Variants in DTNA observed in about 807,000 individuals in gnomAD.
The protein encoded by DTNA is dystrobrevin alpha, also known as dystrophin-related protein 3.
In DTNA, 43 loss-of-function variants were observed where a neutral mutation model predicts 100.7. The observed-to-expected ratio is 0.43, with a 90% CI of 0.33 to 0.55. The LOEUF (loss-of-function observed/expected upper bound fraction) is 0.55, where lower values mean the gene tolerates loss of function less well. Ranked by LOEUF, DTNA falls within the 20% of genes least tolerant of loss-of-function variation. The pLI, the probability that DTNA is intolerant of heterozygous loss-of-function variation, is 0.04. For missense variants in DTNA, 798 were observed against 953.9 expected (o/e 0.84, Z 2.15); for synonymous variants, 349 against 347.9 (o/e 1.00, Z -0.04).
chr18:34,536,760 TTAAA>T (rs1317355067), intron 1 of DTNA, among the ~76,000 whole-genome samples: 1 of 151,992 alleles, frequency 6.6e-6, no homozygotes, highest in African/African-American at 2.4e-5. Context: ...ATGTGTTAAA[TTAAA>T]TAAATAAAAA....
At chr18:34,828,421 G>C (rs1227760601) in intron 10 of DTNA, among the ~76,000 whole-genome samples, 1 of 152,168 alleles carries the variant, frequency 6.6e-6, no homozygotes, top group Non-Finnish European at 1.5e-5. Context: ...GAAAATTGGA[G>C]TGAGTAATTG....
At chr18:34,845,098 A>G (rs2096352684) in intron 13 of DTNA, among the ~76,000 whole-genome samples, 1 of 152,206 alleles carries the variant, frequency 6.6e-6, no homozygotes, top group South Asian at 2.1e-4. Context: ...ATTTATTTTA[A>G]TGATTTAGGG....
At chr18:34,542,328 G>A (rs1269631703) in intron 1 of DTNA, among the ~76,000 whole-genome samples, 1 of 151,928 alleles carries the variant, frequency 6.6e-6, no homozygotes, top group South Asian at 2.1e-4. Context: ...AATTGCTTCA[G>A]TGATTATATT....
At position 34,827,600 on chromosome 18, in the gene DTNA, A is replaced by G; in HGVS notation, c.1009A>G (p.Arg337Gly). 2 of 1,613,900 alleles carry G rather than the reference A, an allele frequency of 1.2e-6. No homozygotes were observed. Among genetic ancestry groups the G allele is most frequent in the African/African-American group, 1.3e-5 (1 of 75,028 alleles). Residue 337 changes from arginine (R) to glycine (G), a missense_variant, in exon 10 of 23, where the codon AGA becomes GGA. By Grantham distance (125) the Arg-to-Gly change is moderately radical. Around this residue, in one of 6 missense-constraint regions of DTNA, gnomAD observed 93 missense variants for 90.5 expected, o/e 1.03. Coordinates refer to ENST00000444659, the MANE Select transcript of DTNA (RefSeq NM_001386795.1). Reference sequence around the variant, plus strand: ...CCCTGTGTTTTGTTTTAGGCCTCCCAGACCTGTAACCAGCATGAACGACAC... The same window carrying G: ...CCCTGTGTTTTGTTTTAGGCCTCCCGGACCTGTAACCAGCATGAACGACAC... ...PLNLAHIVPP[R>G]PVTSMNDTLF...
chr18:34,776,308 C>T (rs555266319), intron 3 of DTNA, among the ~76,000 whole-genome samples: 5 of 152,278 alleles, frequency 3.3e-5, no homozygotes, highest in South Asian at 2.1e-4. Context: ...CCTCCAAACA[C>T]GGAGAAGCCA....
At chr18:34,507,560 A>C (rs2040612263) in intron 1 of DTNA, among the ~76,000 whole-genome samples, 1 of 152,204 alleles carries the variant, frequency 6.6e-6, no homozygotes. Flanking sequence ...GAGGGATTAC[A>C]GTTGACATGG....
At chr18:34,495,794 T>C (rs1038900200) in intron 1 of DTNA, among the ~76,000 whole-genome samples, 2 of 152,322 alleles carry the variant, frequency 1.3e-5, no homozygotes, top group South Asian at 2.1e-4. Context: ...CTCCACTTGT[T>C]TTAAATGAAC....
intron 1 of DTNA, among the ~76,000 whole-genome samples, chr18:34,579,121 T>C (rs543890634): frequency 2.6e-5 from 4 of 152,270 alleles, no homozygotes; most frequent in Admixed American, 6.5e-5. Flanking sequence ...ATTGTTTACC[T>C]TTAAATAATA....
intron 2 of DTNA, among the ~76,000 whole-genome samples, 154 bp downstream of exon 2, chr18:34,756,197 A>T (rs1347071459): frequency 6.6e-6 from 1 of 152,162 alleles, no homozygotes; most frequent in African/African-American, 2.4e-5. Context: ...TTTACTTCTT[A>T]CTTGGCAAGA....
At chr18:34,863,035 T>C (rs891505642) in intron 16 of DTNA, among the ~76,000 whole-genome samples, 1 of 152,218 alleles carries the variant, frequency 6.6e-6, no homozygotes, top group Non-Finnish European at 1.5e-5. Context: ...AGTTTTAGTA[T>C]GTAAGTATGA....
chr18:34,752,060 C>G (rs1240190173), intron 1 of DTNA, among the ~76,000 whole-genome samples: 1 of 152,098 alleles, frequency 6.6e-6, no homozygotes, highest in Non-Finnish European at 1.5e-5. Context: ...TTCTTTTCAC[C>G]TTTTTGACAT....
intron 1 of DTNA, among the ~76,000 whole-genome samples, chr18:34,597,769 G>A (rs1452912461): frequency 7.9e-5 from 10 of 127,174 alleles, no homozygotes; most frequent in East Asian, 2.3e-4. Context: ...TTTCCCCACC[G>A]CCCCCCGCCC....
At chr18:34,762,828 C>A (rs1324390592) in intron 2 of DTNA, among the ~76,000 whole-genome samples, 1 of 152,200 alleles carries the variant, frequency 6.6e-6, no homozygotes, top group Non-Finnish European at 1.5e-5. Context: ...CAGACCTCTT[C>A]CTGATTCTTG....
chr18:34,848,456 T>A (rs2096419105), intron 14 of DTNA, 73 bp downstream of exon 14: 1 of 1,451,022 alleles, frequency 6.9e-7, no homozygotes, highest in African/African-American at 1.4e-5. Context: ...ATGTTTATTG[T>A]TATTATAGCT....
intron 4 of DTNA, among the ~76,000 whole-genome samples, chr18:34,799,251 T>C (rs1042984749): frequency 6.6e-6 from 1 of 152,224 alleles, no homozygotes; most frequent in African/African-American, 2.4e-5. Flanking sequence ...TATTGCACCT[T>C]ACTGGGCCAT....
intron 10 of DTNA, 122 bp from the exon 11 acceptor site, chr18:34,829,278 C>G: frequency 6.6e-7 from 1 of 1,520,394 alleles, no homozygotes; most frequent in Non-Finnish European, 8.8e-7. Flanking sequence ...GATTGGCCTA[C>G]GGTTTCTGTT....
chr18:34,856,563 A>G (rs1160184100), intron 15 of DTNA, among the ~76,000 whole-genome samples: 1 of 152,224 alleles, frequency 6.6e-6, no homozygotes, highest in African/African-American at 2.4e-5. Flanking sequence ...AGCAAGTACC[A>G]GAAGACTGAG....
intron 13 of DTNA, among the ~76,000 whole-genome samples, chr18:34,846,713 A>G (rs1332350176): frequency 6.6e-6 from 1 of 152,196 alleles, no homozygotes; most frequent in Non-Finnish European, 1.5e-5. Context: ...ACCAGACAAG[A>G]GCTATTTGGA....
intron 17 of DTNA, among the ~76,000 whole-genome samples, chr18:34,871,127 G>C (rs2096761452): frequency 1.3e-5 from 2 of 152,210 alleles, no homozygotes; most frequent in African/African-American, 4.8e-5. Context: ...AGACTCTTCA[G>C]GTCTAGCGGG....
Sources: gnomAD v4.1 joint callset for allele counts (sites outside exome capture counted in the v4.1 genomes callset) on GRCh38, gnomAD v4.1.1 for gene constraint, gnomAD v4.1.1 regional missense constraint, MANE v1.5 for transcripts, NCBI Gene and HGNC (gene_info 2026-07-23, HGNC 2026-07-21) for gene names.